The following PCYT1A variants were observed in gnomAD, a reference collection of about 807,000 sequenced individuals.
PCYT1A encodes the protein choline-phosphate cytidylyltransferase A.
In PCYT1A, 25 loss-of-function variants were observed where a neutral mutation model predicts 43.7. That is an observed-to-expected ratio of 0.57 (90% CI 0.42 to 0.80). The LOEUF (loss-of-function observed/expected upper bound fraction) is 0.80, where lower values mean the gene tolerates loss of function less well. Among genes scored for constraint, PCYT1A ranks in the 30% least tolerant of loss-of-function variants. PCYT1A has a pLI of 0.00. For synonymous variants in PCYT1A, 172 were observed against 170.7 expected, an observed-to-expected ratio of 1.01 and a Z score of -0.06; for missense variants, 421 against 474.2, an observed-to-expected ratio of 0.89 and a Z score of 1.04.
intron 2 of PCYT1A, among the ~76,000 whole-genome samples, chr3:196,258,626 T>C (rs955440919): frequency 2.6e-5 from 4 of 151,740 alleles, no homozygotes; most frequent in African/African-American, 9.7e-5. Flanking sequence ...CCAGCTCTGT[T>C]GCCCAGGCTG....
Position 196,247,337 on chromosome 3 carries a change from A to T in PCYT1A, c.486+30T>A. On this transcript the variant is annotated intron_variant, in intron 5 of 8. Transcript: ENST00000431016. The surrounding 1 kb of genome is among the most constrained non-coding windows in gnomAD (Gnocchi z 4.8). The stretch of plus-strand genomic sequence containing the variant: ...TGAGAGTTGAGGGGATTCTGAAACA[A>T]GGAATGGGAATATGTGTCCAGTTTC... 6.2e-7 allele frequency: 1 copy of T among 1,609,762 alleles called. No homozygotes were observed. The highest frequency in any genetic ancestry group is 8.5e-7 in the Non-Finnish European group (1 of 1,177,404).
At chr3:196,253,508 C>T (rs983678657) in intron 3 of PCYT1A, among the ~76,000 whole-genome samples, 3 of 152,142 alleles carry the variant, frequency 2.0e-5, no homozygotes, top group Admixed American at 6.6e-5. Flanking sequence ...TGCTACTAGA[C>T]AGCATACAGC....
chr3:196,254,428 G>A (rs59289255), intron 3 of PCYT1A, among the ~76,000 whole-genome samples: 40,277 of 151,796 alleles, frequency 0.27, 6,609 homozygotes, highest in East Asian at 0.82. Flanking sequence ...ATGACTTGCC[G>A]TGGTCTAGAC....
chr3:196,280,806 T>C (rs1725748985), intron 1 of PCYT1A, among the ~76,000 whole-genome samples: 1 of 152,150 alleles, frequency 6.6e-6, no homozygotes, highest in South Asian at 2.1e-4. Flanking sequence ...CTGTTCTCTC[T>C]CACTCTCAAA....
At chr3:196,280,401 T>C (rs563543986) in intron 1 of PCYT1A, among the ~76,000 whole-genome samples, 45 of 152,284 alleles carry the variant, frequency 3.0e-4, no homozygotes, top group African/African-American at 1.1e-3. Flanking sequence ...GTCCCTTATA[T>C]ATATAAAACG....
At chr3:196,281,485 G>T (rs936381957) in intron 1 of PCYT1A, among the ~76,000 whole-genome samples, 20 of 152,152 alleles carry the variant, frequency 1.3e-4, no homozygotes, top group African/African-American at 4.3e-4. Flanking sequence ...ATTAAAATTC[G>T]ATCAGAACAC....
chr3:196,244,339 G>A (rs1026627212), intron 5 of PCYT1A, among the ~76,000 whole-genome samples: 4 of 146,088 alleles, frequency 2.7e-5, no homozygotes, highest in Non-Finnish European at 4.5e-5. Flanking sequence ...CCTCCCCGCC[G>A]CCATCCCGTC....
intron 2 of PCYT1A, among the ~76,000 whole-genome samples, chr3:196,260,076 C>T (rs1391601345): frequency 1.3e-5 from 2 of 151,638 alleles, no homozygotes; most frequent in Non-Finnish European, 2.9e-5. Context: ...GCATGCACCA[C>T]CACACCTGGC....
intron 4 of PCYT1A, 69 bp downstream of exon 4, chr3:196,248,138 G>A: frequency 1.1e-6 from 1 of 869,930 alleles, no homozygotes; most frequent in Non-Finnish European, 2.0e-6. Context: ...AGTGTACTCA[G>A]CTGAGAAAGA....
intron 1 of PCYT1A, chr3:196,287,194 G>A: frequency 6.6e-6 from 1 of 152,550 alleles, no homozygotes; most frequent in Non-Finnish European, 1.5e-5. Context: ...CGCCCATCAC[G>A]GATGCCATCC....
At chr3:196,257,594 G>GA (rs199570974) in intron 3 of PCYT1A, among the ~76,000 whole-genome samples, 194 bp downstream of exon 3, 1 of 151,744 alleles carries the variant, frequency 6.6e-6, no homozygotes, top group African/African-American at 2.4e-5. Context: ...ATAATAATAA[G>GA]AAAAAAAATG....
chr3:196,238,444 T>TA lies in PCYT1A; in HGVS notation c.*243_*244insT, dbSNP rs1553828009. ...AACATAAACAGTGAAACAAAGCCCT[T>TA]GGGGGGGGGTAAATGGATGCAGAGC... is the stretch of plus-strand genomic sequence containing the variant. On this transcript the variant is annotated 3_prime_UTR_variant, in exon 9 of 9. Coordinates refer to ENST00000431016, the MANE Select transcript of PCYT1A (RefSeq NM_001312673.2). 3.1e-6 allele frequency: 1 copy of TA among 327,426 alleles called. No homozygotes were observed. Among genetic ancestry groups the TA allele is most frequent in the Non-Finnish European group, 5.5e-6 (1 of 180,638 alleles). The allele number at this position is 327,426 out of a possible 1,614,324, so 20.3% of individuals were successfully genotyped here.
chr3:196,250,697 A>T (rs1724738207), intron 3 of PCYT1A: 2 of 167,604 alleles, frequency 1.2e-5, no homozygotes, highest in Admixed American at 6.5e-5. Flanking sequence ...GAGGTTGAGG[A>T]TCAGATACAC....
chr3:196,256,949 T>A (rs148286903), intron 3 of PCYT1A, among the ~76,000 whole-genome samples: 17 of 152,344 alleles, frequency 1.1e-4, no homozygotes, highest in African/African-American at 4.1e-4. Flanking sequence ...ATGCACAGAT[T>A]TGTGGCTATA....
chr3:196,241,718 T>C, intron 7 of PCYT1A: 2 of 1,382,526 alleles, frequency 1.4e-6, no homozygotes, highest in Non-Finnish European at 2.0e-6. Context: ...AAATTACTCA[T>C]TTATTTAGTT....
At position 196,239,552 on chromosome 3, in the gene PCYT1A, C is replaced by A; in HGVS notation, c.892G>T (p.Ala298Ser). 6.3e-7 allele frequency: 1 copy of A among 1,598,486 alleles called. No individual in the cohort carries two copies. Among genetic ancestry groups the A allele is most frequent in the Non-Finnish European group, 8.6e-7 (1 of 1,165,876 alleles). ...TCCAGTGGGAAAGAACATACCAGTGCTCCTTCCGGACCAAACATTTCCAGA... is the reference window on the plus strand; with the variant it reads ...TCCAGTGGGAAAGAACATACCAGTGATCCTTCCGGACCAAACATTTCCAGA... ...SFLEMFGPEG[A>S]LKHMLKEGKG... is the part of the protein sequence containing the mutation. Residue 298 changes from alanine to serine, a missense_variant, in exon 8 of 9, where the codon GCA becomes TCA. Ala to Ser is a moderately conservative substitution (Grantham distance 99). Around this residue, in one of 3 missense-constraint regions of PCYT1A, gnomAD observed 174 missense variants for 270.7 expected, o/e 0.64. Coordinates refer to ENST00000431016, the MANE Select transcript of PCYT1A (RefSeq NM_001312673.2).
rs182468084 is a variant in PCYT1A at position 196,242,178 on chromosome 3, T to C, written c.566-88A>G. 4 of 1,300,296 alleles carry C rather than the reference T, an allele frequency of 3.1e-6. No individual in the cohort carries two copies. In the African/African-American group the frequency reaches 4.4e-5, roughly 14 times the overall value. The allele number at this position is 1,300,296 out of a possible 1,614,324, so 80.5% of individuals were successfully genotyped here. The stretch of plus-strand genomic sequence containing the variant: ...AAATGGAAATTGGGGGCAACATTCC[T>C]TTCCTTTCCTCAAAAAGCAGAATCT... On this transcript the variant is annotated intron_variant, in intron 6 of 8. Coordinates refer to ENST00000431016, the MANE Select transcript of PCYT1A (RefSeq NM_001312673.2). The surrounding 1 kb of genome is among the most constrained non-coding windows in gnomAD (Gnocchi z 4.2).
At chr3:196,279,061 GA>G (rs1293058866) in intron 1 of PCYT1A, among the ~76,000 whole-genome samples, 1 of 150,042 alleles carries the variant, frequency 6.7e-6, no homozygotes, top group African/African-American at 2.5e-5. Flanking sequence ...GCCAAGGCGG[GA>G]GGATCACCTG....
At chr3:196,269,226 T>A (rs1355278864) in intron 2 of PCYT1A, among the ~76,000 whole-genome samples, 2 of 152,250 alleles carry the variant, frequency 1.3e-5, no homozygotes, top group African/African-American at 4.8e-5. Flanking sequence ...GCCCTTATGA[T>A]CAATATCAGC....
Sources: allele counts gnomAD v4.1 joint callset (sites outside exome capture counted in the v4.1 genomes callset), GRCh38; gene constraint gnomAD v4.1.1; regional missense constraint gnomAD v4.1.1; non-coding constraint Gnocchi (gnomAD v3.1); transcripts MANE v1.5; gene names NCBI Gene and HGNC (gene_info 2026-07-23, HGNC 2026-07-21).